Variants in EP300 observed in about 807,000 individuals in gnomAD.
EP300 encodes the protein EP300 lysine acetyltransferase.
In EP300, 31 loss-of-function variants were observed where a neutral mutation model predicts 264.0. The ratio of observed to expected loss-of-function variants is 0.12; its 90% CI spans 0.09 to 0.16. EP300 has a LOEUF of 0.16. EP300 is among the 10% of genes least tolerant of loss of function. The probability of loss-of-function intolerance (pLI) is 1.00; values close to 1 mark genes in which losing one functional copy is unlikely to be tolerated. For missense variants in EP300, 2,766 were observed against 3,052.9 expected, an observed-to-expected ratio of 0.91 and a Z score of 2.21; for synonymous variants, 1,340 against 1,045.4, an observed-to-expected ratio of 1.28 and a Z score of -5.44.
At chr22:41,130,109 T>C in intron 5 of EP300, 106 bp downstream of exon 5, 1 of 827,684 alleles carries the variant, frequency 1.2e-6, no homozygotes, top group South Asian at 1.5e-5. Context: ...TGTTGTACTA[T>C]GTTGAATAAA....
At chr22:41,143,169 G>T (rs535147400) in intron 10 of EP300, among the ~76,000 whole-genome samples, 1 of 152,072 alleles carries the variant, frequency 6.6e-6, no homozygotes, top group African/African-American at 2.4e-5. Flanking sequence ...CATAAAAGTG[G>T]TCGGGCATGG....
chr22:41,144,690 T>A (rs753036872), intron 10 of EP300, among the ~76,000 whole-genome samples: 9 of 152,154 alleles, frequency 5.9e-5, no homozygotes, highest in Non-Finnish European at 1.3e-4. Flanking sequence ...AGTATCAAGA[T>A]GTTCCTTTAA....
intron 6 of EP300, among the ~76,000 whole-genome samples, chr22:41,134,969 G>A (rs954214298): frequency 1.3e-5 from 2 of 151,748 alleles, no homozygotes; most frequent in African/African-American, 2.4e-5. Context: ...GTGTAGTGGC[G>A]CCATCTCGGC....
At chr22:41,137,885 C>T in intron 8 of EP300, 95 bp downstream of exon 8, 1 of 1,545,724 alleles carries the variant, frequency 6.5e-7, no homozygotes, top group East Asian at 2.3e-5. Flanking sequence ...GGAATATTAG[C>T]AATTTTTCTG....
Position 41,179,444 on chromosome 22 carries a change from CTATATATATATAAA to C in EP300, c.*497_*510del, listed in dbSNP as rs2059226500. ...GTTAATGTTACTTTAAAATTACATT[CTATATATATATAAA>C]TATATATAAATATATATTAAAATAC... On this transcript the variant is annotated 3_prime_UTR_variant, in exon 31 of 31. Coordinates refer to ENST00000263253, the MANE Select transcript of EP300 (RefSeq NM_001429.4). 1 of 163,920 alleles carries C rather than the reference CTATATATATATAAA, an allele frequency of 6.1e-6. No homozygotes were observed. The highest frequency in any genetic ancestry group is 6.7e-5 in the Admixed American group (1 of 14,826). 10.2% of individuals were successfully genotyped at this position (163,920 alleles called of 1,614,324 possible).
At chr22:41,156,679 T>G (rs1167365453) in intron 17 of EP300, among the ~76,000 whole-genome samples, 1 of 152,130 alleles carries the variant, frequency 6.6e-6, no homozygotes, top group Non-Finnish European at 1.5e-5. Flanking sequence ...GAGCCAAGAT[T>G]GCACCACTGC....
At chr22:41,102,865 T>G (rs1442800347) in intron 1 of EP300, among the ~76,000 whole-genome samples, 2 of 152,076 alleles carry the variant, frequency 1.3e-5, no homozygotes, top group Admixed American at 1.3e-4. Flanking sequence ...TATTATTTAT[T>G]TATTTATTTT....
chr22:41,140,241 A>G lies in EP300; in HGVS notation c.1862A>G (p.Glu621Gly), dbSNP rs1394208815. 6.2e-7 allele frequency: 1 copy of G among 1,609,756 alleles called. No individual in the cohort carries two copies. The highest frequency in any genetic ancestry group is 1.3e-5 in the African/African-American group (1 of 74,824). Residue 621 changes from glutamate (E) to glycine (G), a missense_variant, in exon 9 of 31, where the codon GAA (glutamate) becomes GGA (glycine). Physicochemically the swap from Glu to Gly is moderately conservative, Grantham distance 98. Transcript: ENST00000263253. ...CGGAAAGTTGAAGGGGACATGTATG[A>G]ATCTGCAAACAATCGAGTGAGTGTC... ...YARKVEGDMY[E>G]SANNRAEYYH...
In EP300 at chr22:41,154,571, G is replaced by A. The variant is rs571258573; in HGVS notation, c.3143-424G>A. Among the ~76,000 whole-genome samples, 177 of 151,664 alleles carry A rather than the reference G, an allele frequency of 1.2e-3. 1 individual carries two copies. Among genetic ancestry groups the A allele is most frequent in the Non-Finnish European group, 4.4e-4 (30 of 67,936 alleles). On this transcript the variant is annotated intron_variant, in intron 16 of 30. Coordinates refer to ENST00000263253, the MANE Select transcript of EP300 (RefSeq NM_001429.4). ...TTTTTATATTTTTAGTAGAGACGAG[G>A]TTTCACCATGTTGGCCAGGCTGAAA...
intron 12 of EP300, 101 bp from the exon 13 acceptor site, chr22:41,148,937 C>G (rs2145735415): frequency 3.2e-6 from 5 of 1,540,076 alleles, no homozygotes; most frequent in Non-Finnish European, 4.5e-6. Context: ...TGGCTTTTCT[C>G]TACTTAATAA....
intron 8 of EP300, among the ~76,000 whole-genome samples, chr22:41,138,230 C>G (rs1262590520): frequency 3.9e-5 from 6 of 152,178 alleles, no homozygotes; most frequent in Non-Finnish European, 7.3e-5. Flanking sequence ...GTGGCACGAT[C>G]TTGGTTCACT....
At position 41,149,854 on chromosome 22, in the gene EP300, C is replaced by T. The variant is rs751515727; in HGVS notation, c.2473C>T (p.Pro825Ser). The change falls in exon 14 of 31, where the codon CCA becomes TCA. Residue 825 changes from proline to serine, a missense_variant. Coordinates refer to ENST00000263253, the MANE Select transcript of EP300 (RefSeq NM_001429.4). ...SHIHCPQLPQ[P>S]ALHQNSPSPV... Reference sequence around the variant, plus strand: ...CATTCACTGTCCCCAGCTTCCTCAACCAGCTCTTCATCAGAATTCACCCTC... The same window carrying T: ...CATTCACTGTCCCCAGCTTCCTCAATCAGCTCTTCATCAGAATTCACCCTC... 8 of 1,614,018 alleles carry T rather than the reference C, an allele frequency of 5.0e-6. No individual in the cohort carries two copies. The South Asian group carries it at 7.7e-5, about 16-fold the overall frequency.
At chr22:41,124,645 CAAA>C (rs1187083155) in intron 2 of EP300, among the ~76,000 whole-genome samples, 2 of 150,546 alleles carry the variant, frequency 1.3e-5, no homozygotes, top group Non-Finnish European at 3.0e-5. Context: ...TTTTAATAGT[CAAA>C]AAAAAGAAGA....
intron 5 of EP300, among the ~76,000 whole-genome samples, chr22:41,130,276 A>T (rs1004075050): frequency 6.6e-6 from 1 of 151,510 alleles, no homozygotes; most frequent in African/African-American, 2.4e-5. Context: ...AAAAAGAAAG[A>T]AAAAACAGTG....
intron 29 of EP300, 48 bp from the exon 30 acceptor site, chr22:41,176,199 G>T (rs1569120262): frequency 1.2e-6 from 2 of 1,610,226 alleles, no homozygotes; most frequent in Non-Finnish European, 1.7e-6. Context: ...CAGCCTGGAT[G>T]ACAGAGCGAG....
chr22:41,148,110 C>T (rs1367006621), intron 12 of EP300, among the ~76,000 whole-genome samples, 164 bp downstream of exon 12: 3 of 152,158 alleles, frequency 2.0e-5, no homozygotes, highest in African/African-American at 4.8e-5. Context: ...GACCAAAAAA[C>T]GAAAACAGCC....
intron 1 of EP300, among the ~76,000 whole-genome samples, chr22:41,113,366 A>C (rs2058804558): frequency 6.6e-6 from 1 of 151,998 alleles, no homozygotes; most frequent in Non-Finnish European, 1.5e-5. Flanking sequence ...TTGTTACTCC[A>C]AAAAACTAAC....
intron 16 of EP300, among the ~76,000 whole-genome samples, chr22:41,153,100 C>T (rs534915823): frequency 6.6e-6 from 1 of 152,286 alleles, no homozygotes; most frequent in East Asian, 1.9e-4. Flanking sequence ...TGGCCTGAAG[C>T]TTAGCAAAGT....
At chr22:41,107,517 ATAGT>A (rs1444182349) in intron 1 of EP300, among the ~76,000 whole-genome samples, 3 of 152,142 alleles carry the variant, frequency 2.0e-5, no homozygotes, top group East Asian at 1.9e-4. Context: ...ATTTTGTGTC[ATAGT>A]TAAGTAACTA....
Sources: allele counts gnomAD v4.1 joint callset (sites outside exome capture counted in the v4.1 genomes callset), GRCh38; gene constraint gnomAD v4.1.1; transcripts MANE v1.5; gene names NCBI Gene and HGNC (gene_info 2026-07-23, HGNC 2026-07-21).